The following PTPRZ1 variants were observed in gnomAD, a reference collection of about 807,000 sequenced individuals.
PTPRZ1 encodes receptor-type tyrosine-protein phosphatase zeta.
PTPRZ1 carries 82 observed loss-of-function variants against 214.1 expected under a neutral mutation model. The observed-to-expected ratio is 0.38, with a 90% confidence interval of 0.32 to 0.46. The LOEUF (loss-of-function observed/expected upper bound fraction) is 0.46. Among genes scored for constraint, PTPRZ1 ranks in the 20% least tolerant of loss-of-function variants. The probability of loss-of-function intolerance (pLI) is 1.00; values close to 1 mark genes in which losing one functional copy is unlikely to be tolerated. For synonymous variants in PTPRZ1, 945 were observed against 987.9 expected (o/e 0.96, Z 0.81); for missense variants, 2,603 against 2,748.7 (o/e 0.95, Z 1.19).
At chr7:121,959,279 T>C (rs1796805262) in intron 2 of PTPRZ1, among the ~76,000 whole-genome samples, 1 of 152,260 alleles carries the variant, frequency 6.6e-6, no homozygotes, top group Admixed American at 6.5e-5. Context: ...CTGATGTGAT[T>C]GTCCCATTAG....
chr7:121,905,050 T>C (rs1254286447), intron 1 of PTPRZ1, among the ~76,000 whole-genome samples: 1 of 152,228 alleles, frequency 6.6e-6, no homozygotes, highest in Non-Finnish European at 1.5e-5. Flanking sequence ...TTACGTCTGC[T>C]TTTAAAACAC....
At position 122,051,951 on chromosome 7, in the gene PTPRZ1, A is replaced by C. The variant is rs749367880; in HGVS notation, c.6252+12A>C. On this transcript the variant is annotated intron_variant, in intron 25 of 29. Transcript: ENST00000393386. The stretch of plus-strand genomic sequence containing the variant: ...CCTCCTATATCATGGTAAGTCAGAG[A>C]AGTCACTGAGGAGACTGCCAGCTTG... 2 of 1,588,514 alleles carry C rather than the reference A, an allele frequency of 1.3e-6. No individual in the cohort carries two copies. Among genetic ancestry groups the C allele is most frequent in the African/African-American group, 2.7e-5 (2 of 73,024 alleles).
Position 122,055,042 on chromosome 7 carries a change from T to C in PTPRZ1, c.6483T>C (p.Asn2161=). ...LMAEEHKCLS[N]EEKLIIQDFI... ...CTGAAGAACACAAATGTCTATCTAA[T>C]GAGGAAAAACTTATAATTCAGGACT... Residue 2161 remains asparagine, a synonymous_variant, in exon 27 of 30, where the codon AAT becomes AAC. Coordinates refer to ENST00000393386, the MANE Select transcript of PTPRZ1 (RefSeq NM_002851.3). 6.2e-7 allele frequency: 1 copy of C among 1,601,964 alleles called. No homozygotes were observed. Among genetic ancestry groups the C allele is most frequent in the Non-Finnish European group, 8.5e-7 (1 of 1,170,692 alleles).
At chr7:121,898,196 A>G (rs2116249445) in intron 1 of PTPRZ1, among the ~76,000 whole-genome samples, 1 of 152,270 alleles carries the variant, frequency 6.6e-6, no homozygotes, top group African/African-American at 2.4e-5. Flanking sequence ...AGCTCTCATA[A>G]GTTTCATCCT....
chr7:121,974,948 G>T (rs2116538108), intron 4 of PTPRZ1, among the ~76,000 whole-genome samples: 1 of 152,310 alleles, frequency 6.6e-6, no homozygotes, highest in Middle Eastern at 3.4e-3. Context: ...CACTTTAGGA[G>T]GCTGAGGCTG....
intron 6 of PTPRZ1, among the ~76,000 whole-genome samples, chr7:121,982,425 T>C (rs1797639296): frequency 6.6e-6 from 1 of 151,908 alleles, no homozygotes; most frequent in Non-Finnish European, 1.5e-5. Flanking sequence ...CACAACCTTC[T>C]GGGATTTTAA....
chr7:122,012,075 C>G lies in PTPRZ1; in HGVS notation c.3029C>G (p.Thr1010Arg), dbSNP rs775565817. 6.2e-7 allele frequency: 1 copy of G among 1,614,072 alleles called. No homozygotes were observed. The highest frequency in any genetic ancestry group is 8.5e-7 in the Non-Finnish European group (1 of 1,180,000). The part of the protein sequence containing the change: ...SSDSEFLLPD[T>R]DGLTALNISS... ...GATAGTGAATTTCTTTTACCTGACA[C>G]AGATGGGCTGACAGCCCTTAACATT... The change falls in exon 12 of 30, where the codon ACA becomes AGA. Residue 1010 changes from threonine to arginine, a missense_variant. Thr to Arg is a moderately conservative substitution (Grantham distance 71, BLOSUM62 -1). This residue lies in a region of PTPRZ1 where 1,913 missense variants were observed against 1,914.3 expected (regional missense o/e 1.00). Coordinates refer to ENST00000393386, the MANE Select transcript of PTPRZ1 (RefSeq NM_002851.3).
intron 8 of PTPRZ1, among the ~76,000 whole-genome samples, chr7:121,995,513 C>T (rs1157791080): frequency 6.6e-6 from 1 of 152,074 alleles, no homozygotes; most frequent in Admixed American, 6.5e-5. Context: ...TGGAAAGTAC[C>T]AGGGCACTCT....
chr7:121,951,641 A>C lies in PTPRZ1; in HGVS notation c.125-16310A>C, dbSNP rs562710527. On this transcript the variant is annotated intron_variant, in intron 2 of 29. Transcript: ENST00000393386. ...TCAGCTGGGGTTCTCAACCTTTCAA[A>C]GATGTGAGTTATGCTCAAAAGCCAG... is the stretch of plus-strand genomic sequence containing the variant. Among the ~76,000 whole-genome samples, 17 of 152,290 alleles carry C rather than the reference A, an allele frequency of 1.1e-4. No homozygotes were observed. The South Asian group carries it at 2.7e-3, about 24-fold the overall frequency.
At chr7:121,894,791 T>C (rs1794739423) in intron 1 of PTPRZ1, among the ~76,000 whole-genome samples, 1 of 152,200 alleles carries the variant, frequency 6.6e-6, no homozygotes, top group Non-Finnish European at 1.5e-5. Context: ...GTAGTTTGGA[T>C]TCCCCCTGAC....
At chr7:121,896,730 G>A (rs1024288593) in intron 1 of PTPRZ1, among the ~76,000 whole-genome samples, 2 of 151,538 alleles carry the variant, frequency 1.3e-5, no homozygotes, top group African/African-American at 2.4e-5. Flanking sequence ...CCAAGATCGC[G>A]CCACTGCACT....
intron 13 of PTPRZ1, among the ~76,000 whole-genome samples, chr7:122,025,417 C>A (rs571708283): frequency 2.7e-4 from 41 of 151,314 alleles, no homozygotes; most frequent in African/African-American, 9.7e-4. Flanking sequence ...GCAACCTCCA[C>A]CTCCCTGGTT....
intron 1 of PTPRZ1, among the ~76,000 whole-genome samples, chr7:121,880,402 C>T (rs1359908631): frequency 1.3e-5 from 2 of 152,140 alleles, no homozygotes; most frequent in East Asian, 3.9e-4. Flanking sequence ...AGATATTTTC[C>T]TGCTCTTGGA....
rs748791739 is a variant in PTPRZ1, at chr7:122,034,322, A to G, written c.5228A>G (p.Asp1743Gly). Reference sequence around the variant, plus strand: ...ACTGTTGACTTAGGTATTACAGCAGACAGCTCCAACCACCCAGACAACAAG... The same window carrying G: ...ACTGTTGACTTAGGTATTACAGCAGGCAGCTCCAACCACCCAGACAACAAG... ...SCTVDLGITA[D>G]SSNHPDNKHK... Residue 1743 changes from aspartate to glycine, a missense_variant, in exon 17 of 30, where the codon GAC becomes GGC. Around this residue, in one of 6 missense-constraint regions of PTPRZ1, gnomAD observed 1,913 missense variants for 1,914.3 expected, o/e 1.00. Transcript: ENST00000393386. 1 of 1,613,578 alleles carries G rather than the reference A, an allele frequency of 6.2e-7. No homozygotes were observed. Among genetic ancestry groups the G allele is most frequent in the South Asian group, 1.1e-5 (1 of 91,050 alleles).
chr7:121,970,623 T>A (rs1368951700), intron 3 of PTPRZ1, among the ~76,000 whole-genome samples: 10 of 152,218 alleles, frequency 6.6e-5, no homozygotes, highest in African/African-American at 2.4e-4. Context: ...TCTGTTTATA[T>A]CCTTTGCCCA....
At chr7:122,057,660 G>A (rs369328381) in intron 27 of PTPRZ1, among the ~76,000 whole-genome samples, 1 of 70,032 alleles carries the variant, frequency 1.4e-5, no homozygotes, top group African/African-American at 5.4e-5. Flanking sequence ...TTTTTTTTTT[G>A]TCTTTTTTTT....
chr7:121,945,932 A>T (rs193096275), intron 2 of PTPRZ1, among the ~76,000 whole-genome samples: 8 of 152,316 alleles, frequency 5.3e-5, no homozygotes, highest in Admixed American at 5.2e-4. Context: ...TATTATTACC[A>T]TTAAGTACAG....
rs545803821 is a variant in PTPRZ1 at position 121,973,793 on chromosome 7, T to C, written c.456+1101T>C. Among the ~76,000 whole-genome samples, 9 of 151,858 alleles carry C rather than the reference T, an allele frequency of 5.9e-5. No individual in the cohort carries two copies. The East Asian group carries it at 1.6e-3, about 26-fold the overall frequency. ...TACTAAAAACACAAAAATTAGCTGG[T>C]CATGGTAGCACTCACCTGTAATTTC... On this transcript the variant is annotated intron_variant, in intron 4 of 29. Coordinates refer to ENST00000393386, the MANE Select transcript of PTPRZ1 (RefSeq NM_002851.3).
intron 1 of PTPRZ1, among the ~76,000 whole-genome samples, chr7:121,916,272 CAAA>C (rs59701928): frequency 3.6e-5 from 4 of 109,734 alleles, no homozygotes; most frequent in Admixed American, 9.7e-5. Context: ...GACTCCATCT[CAAA>C]AAAAAAAAAA....
Sources: gnomAD v4.1 joint callset for allele counts (sites outside exome capture counted in the v4.1 genomes callset) on GRCh38, gnomAD v4.1.1 for gene constraint, gnomAD v4.1.1 regional missense constraint, MANE v1.5 for transcripts, NCBI Gene and HGNC (gene_info 2026-07-23, HGNC 2026-07-21) for gene names.